The following CCDC138 variants were observed in gnomAD, a reference collection of about 807,000 sequenced individuals.
CCDC138 encodes the protein coiled-coil domain-containing protein 138.
CCDC138 carries 66 observed loss-of-function variants against 82.3 expected under a neutral mutation model. The observed-to-expected ratio is 0.80, with a 90% confidence interval of 0.66 to 0.98. CCDC138 has a LOEUF of 0.98. CCDC138 is among the 50% of genes least tolerant of loss of function. The probability of loss-of-function intolerance (pLI) is 0.00; values close to 1 mark genes in which losing one functional copy is unlikely to be tolerated. For missense variants in CCDC138, 816 were observed against 758.9 expected (o/e 1.08, Z -0.88); for synonymous variants, 297 against 265.4 (o/e 1.12, Z -1.16).
chr2:108,793,739 G>A (rs923046692), intron 4 of CCDC138, among the ~76,000 whole-genome samples: 3 of 151,896 alleles, frequency 2.0e-5, no homozygotes, highest in Admixed American at 6.6e-5. Flanking sequence ...TGGGACTACA[G>A]GCACCCGCCA....
intron 11 of CCDC138, among the ~76,000 whole-genome samples, chr2:108,845,851 G>A (rs960049531): frequency 3.9e-5 from 6 of 152,154 alleles, no homozygotes; most frequent in African/African-American, 1.4e-4. Context: ...GATTACAGGC[G>A]TGAGCCACCG....
At chr2:108,884,672 A>G (rs1411725768) in intron 2 of CCDC138, 5 of 152,194 alleles carry the variant, frequency 3.3e-5, no homozygotes, top group African/African-American at 1.2e-4. Context: ...GACACATGCC[A>G]CAGCTCTCCT....
intron 13 of CCDC138, among the ~76,000 whole-genome samples, chr2:108,869,018 T>G (rs1694846132): frequency 1.3e-5 from 2 of 152,170 alleles, no homozygotes; most frequent in African/African-American, 4.8e-5. Context: ...TTATTTTACT[T>G]TATAAAAATT....
chr2:108,802,000 G>T (rs1558982501), intron 6 of CCDC138, among the ~76,000 whole-genome samples: 1 of 115,866 alleles, frequency 8.6e-6, no homozygotes, highest in Admixed American at 9.8e-5. Context: ...CTCTGTTTTG[G>T]TACCAGTACC....
In CCDC138 at chr2:108,847,001, T is replaced by G. The variant is rs1000289746; in HGVS notation, c.1516+71T>G. 3.6e-6 allele frequency: 3 copies of G among 840,236 alleles called. No homozygotes were observed. The African/African-American group carries it at 5.2e-5, about 14-fold the overall frequency. The allele number at this position is 840,236 out of a possible 1,614,324, so 52.0% of individuals were successfully genotyped here. ...GAATATCATATATTAAAGCAATTCT[T>G]TTATCAAATATGTTGTACATTTTCA... On this transcript the variant is annotated intron_variant, in intron 12 of 14. Coordinates refer to ENST00000295124, the MANE Select transcript of CCDC138 (RefSeq NM_144978.3).
downstream of CCDC138, among the ~76,000 whole-genome samples, chr2:108,877,492 TAAA>T (rs10538604): frequency 4.0e-3 from 603 of 151,564 alleles, 5 homozygotes; most frequent in African/African-American, 0.013. Context: ...ATAAATAAAA[TAAA>T]AACGCAGAAG....
At chr2:108,819,086 T>C (rs756889165) in intron 10 of CCDC138, among the ~76,000 whole-genome samples, 5 of 152,180 alleles carry the variant, frequency 3.3e-5, no homozygotes, top group Non-Finnish European at 5.9e-5. Context: ...GTCATCAACA[T>C]GTTGGAGTAG....
chr2:108,885,395 A>G (rs900362224), exon 3 of CCDC138: 1 of 152,180 alleles, frequency 6.6e-6, no homozygotes, highest in Non-Finnish European at 1.5e-5. Flanking sequence ...AATGACTTTA[A>G]CTTCTTTGAT....
intron 6 of CCDC138, among the ~76,000 whole-genome samples, chr2:108,804,321 A>G (rs1274156828): frequency 6.6e-6 from 1 of 152,202 alleles, no homozygotes; most frequent in Non-Finnish European, 1.5e-5. Flanking sequence ...GATTTGAATT[A>G]TTTATAGAAC....
At chr2:108,815,869 A>G in intron 9 of CCDC138, 72 bp from the exon 10 acceptor site, 1 of 1,274,418 alleles carries the variant, frequency 7.8e-7, no homozygotes, top group South Asian at 1.4e-5. Context: ...ATTACTTAAC[A>G]AATTTAAGGT....
At chr2:108,883,024 A>G (rs1696334884) in intron 2 of CCDC138, 1 of 152,230 alleles carries the variant, frequency 6.6e-6, no homozygotes, top group African/African-American at 2.4e-5. Flanking sequence ...ATATAGGAGC[A>G]TCGAGATTAA....
intron 1 of CCDC138, among the ~76,000 whole-genome samples, 185 bp downstream of exon 1, chr2:108,787,100 C>T (rs1053547102): frequency 2.6e-5 from 4 of 152,082 alleles, no homozygotes; most frequent in Non-Finnish European, 5.9e-5. Context: ...TGCGGGGGTG[C>T]GGGGGTGCCG....
chr2:108,789,059 T>G (rs1679464837), intron 3 of CCDC138, 93 bp downstream of exon 3: 1 of 1,323,660 alleles, frequency 7.6e-7, no homozygotes, highest in East Asian at 2.3e-5. Flanking sequence ...TGCTCTTTCC[T>G]GAGGACAAGT....
At chr2:108,808,919 A>G (rs759977219) in intron 7 of CCDC138, among the ~76,000 whole-genome samples, 40 of 151,700 alleles carry the variant, frequency 2.6e-4, no homozygotes, top group Non-Finnish European at 2.4e-4. Flanking sequence ...ACTATTTCCC[A>G]TTTTTTCCTC....
chr2:108,877,313 A>C (rs555554782), downstream of CCDC138, among the ~76,000 whole-genome samples: 2 of 150,964 alleles, frequency 1.3e-5, no homozygotes, highest in South Asian at 4.2e-4. Flanking sequence ...ACAAAAAAAA[A>C]CAGAATTAGC....
chr2:108,839,177 A>G lies in CCDC138; in HGVS notation c.1207-8A>G, dbSNP rs1689054628. 2.5e-6 allele frequency: 4 copies of G among 1,599,716 alleles called. No homozygotes were observed. The highest frequency in any genetic ancestry group is 1.3e-5 in the African/African-American group (1 of 74,330). Reference sequence around the variant, plus strand: ...CTTTGTATTTATTTTCCATCATTTTATCTTTAGCTTTTGCCTCTAATGACA... The same window carrying G: ...CTTTGTATTTATTTTCCATCATTTTGTCTTTAGCTTTTGCCTCTAATGACA... On this transcript the variant is annotated splice_region_variant and splice_polypyrimidine_tract_variant and intron_variant, in intron 10 of 14. Transcript: ENST00000295124.
chr2:108,796,916 A>G (rs1681012428), intron 5 of CCDC138, among the ~76,000 whole-genome samples: 1 of 152,212 alleles, frequency 6.6e-6, no homozygotes, highest in Non-Finnish European at 1.5e-5. Flanking sequence ...ACAATAGGGA[A>G]ATTATAGTTA....
intron 13 of CCDC138, among the ~76,000 whole-genome samples, chr2:108,870,527 T>C (rs1273994651): frequency 6.6e-6 from 1 of 152,182 alleles, no homozygotes; most frequent in Non-Finnish European, 1.5e-5. Flanking sequence ...CCACATTTGA[T>C]AAACCCAGAG....
At chr2:108,869,460 A>C (rs1226204902) in intron 13 of CCDC138, among the ~76,000 whole-genome samples, 1 of 152,174 alleles carries the variant, frequency 6.6e-6, no homozygotes. Context: ...TGCCTCGTTC[A>C]GGGCACATAC....
Sources: gnomAD v4.1 joint callset for allele counts (sites outside exome capture counted in the v4.1 genomes callset) on GRCh38, gnomAD v4.1.1 for gene constraint, MANE v1.5 for transcripts, NCBI Gene and HGNC (gene_info 2026-07-23, HGNC 2026-07-21) for gene names.